ITGA9: variants seen among roughly 807,000 people sequenced by gnomAD.
The protein encoded by ITGA9 is integrin subunit alpha 9.
ITGA9 carries 56 observed loss-of-function variants against 127.8 expected under a neutral mutation model. The observed-to-expected ratio is 0.44, with a 90% confidence interval of 0.35 to 0.55. The LOEUF (loss-of-function observed/expected upper bound fraction) is 0.55, where lower values mean the gene tolerates loss of function less well. Ranked by LOEUF, ITGA9 falls within the 20% of genes least tolerant of loss-of-function variation. The pLI is 0.00. For synonymous variants in ITGA9, 508 were observed against 514.5 expected, an observed-to-expected ratio of 0.99 and a Z score of 0.17; for missense variants, 1,196 against 1,347.1, an observed-to-expected ratio of 0.89 and a Z score of 1.76.
At chr3:37,607,871 G>A (rs1169665290) in intron 15 of ITGA9, among the ~76,000 whole-genome samples, 2 of 152,170 alleles carry the variant, frequency 1.3e-5, no homozygotes, top group African/African-American at 2.4e-5. Context: ...CAAAAGGACC[G>A]AAGGTTCTTC....
intron 15 of ITGA9, among the ~76,000 whole-genome samples, chr3:37,551,077 G>A (rs907646990): frequency 6.6e-6 from 1 of 152,100 alleles, no homozygotes; most frequent in Non-Finnish European, 1.5e-5. Context: ...ATGAATAATA[G>A]GAAAGTAAAT....
At chr3:37,519,479 T>C in intron 11 of ITGA9, 125 bp downstream of exon 11, 1 of 756,520 alleles carries the variant, frequency 1.3e-6, no homozygotes, top group East Asian at 2.7e-5. Context: ...TTGGCCTTCC[T>C]ACCCTTTTGT....
Position 37,557,111 on chromosome 3 carries a change from C to T in ITGA9, c.1689+14526C>T, listed in dbSNP as rs571078489. On this transcript the variant is annotated intron_variant, in intron 15 of 27. Transcript: ENST00000264741. The stretch of plus-strand genomic sequence containing the variant: ...ATGTCAGAAATCTATTTCCCCTTCT[C>T]AGAGACCAGGAAGCTCTTGAGGTAC... 7.7e-4 allele frequency among the ~76,000 whole-genome samples: 118 copies of T among 152,300 alleles called. 1 individual carries two copies. The highest frequency in any genetic ancestry group is 8.8e-5 in the Non-Finnish European group (6 of 68,020).
chr3:37,462,226 A>C (rs1698322892), intron 1 of ITGA9, among the ~76,000 whole-genome samples: 1 of 151,682 alleles, frequency 6.6e-6, no homozygotes, highest in African/African-American at 2.4e-5. Flanking sequence ...CTGACCTTTC[A>C]CTCCCTAACA....
intron 18 of ITGA9, among the ~76,000 whole-genome samples, chr3:37,726,276 C>T (rs1452053404): frequency 6.6e-6 from 1 of 152,192 alleles, no homozygotes; most frequent in Non-Finnish European, 1.5e-5. Context: ...CTTAGAGGAA[C>T]ACAAATTGCC....
rs566346350 is a variant in ITGA9, at chr3:37,725,883, A to G, written c.2068-6829A>G. On this transcript the variant is annotated intron_variant, in intron 18 of 27. Transcript: ENST00000264741. ...CACATTGCTGGTATATATCTGAGCC[A>G]ATAATCAAAATTGGGACACTAATGC... Among the ~76,000 whole-genome samples, 6 of 152,366 alleles carry G rather than the reference A, an allele frequency of 3.9e-5. No homozygotes were observed. In the South Asian group the frequency reaches 1.2e-3, roughly 32 times the overall value.
chr3:37,473,241 T>C, intron 2 of ITGA9, 113 bp from the exon 3 acceptor site: 4 of 748,554 alleles, frequency 5.3e-6, no homozygotes, highest in Non-Finnish European at 9.6e-6. Flanking sequence ...GGAGTTGATT[T>C]ACATTTTGTG....
chr3:37,755,340 G>C (rs1033752556), intron 23 of ITGA9, among the ~76,000 whole-genome samples: 1 of 152,054 alleles, frequency 6.6e-6, no homozygotes, highest in East Asian at 1.9e-4. Flanking sequence ...CCAGAGGCAG[G>C]CTCAGTCAAT....
intron 15 of ITGA9, among the ~76,000 whole-genome samples, chr3:37,617,515 G>A (rs1194878206): frequency 6.6e-6 from 1 of 152,164 alleles, no homozygotes; most frequent in Non-Finnish European, 1.5e-5. Flanking sequence ...GGCCTGCCTT[G>A]CTAGACTGGG....
chr3:37,678,083 C>T (rs1575189387), intron 17 of ITGA9, among the ~76,000 whole-genome samples: 1 of 152,268 alleles, frequency 6.6e-6, no homozygotes, highest in East Asian at 1.9e-4. Context: ...TCCATGGACA[C>T]TTTGGGTTGT....
chr3:37,629,540 T>G lies in ITGA9; in HGVS notation c.1839+204T>G. ...GGTTACTTGTGACTACTGTGGGACT[T>G]AAACACTTTCAGACAATTCTCAGGC... On this transcript the variant is annotated intron_variant, in intron 16 of 27. Coordinates refer to ENST00000264741, the MANE Select transcript of ITGA9 (RefSeq NM_002207.3). The surrounding 1 kb of genome is among the most constrained non-coding windows in gnomAD (Gnocchi z 4.5). 4 of 658,838 alleles carry G rather than the reference T, an allele frequency of 6.1e-6. No homozygotes were observed. The highest frequency in any genetic ancestry group is 1.1e-5 in the Non-Finnish European group (4 of 371,460). 40.8% of individuals were successfully genotyped at this position (658,838 alleles called of 1,614,324 possible). A position where few individuals can be genotyped will look rare whatever the true frequency, so the allele number is the denominator to read the frequency against.
intron 15 of ITGA9, among the ~76,000 whole-genome samples, chr3:37,613,506 A>G (rs1263197960): frequency 6.6e-6 from 1 of 152,200 alleles, no homozygotes; most frequent in Non-Finnish European, 1.5e-5. Context: ...GTCAAATGGT[A>G]TTTCTAGTTC....
At chr3:37,572,867 A>C (rs1196447034) in intron 15 of ITGA9, among the ~76,000 whole-genome samples, 1 of 152,158 alleles carries the variant, frequency 6.6e-6, no homozygotes, top group Admixed American at 6.5e-5. Flanking sequence ...TCTCACTCTC[A>C]TTTTCTAATA....
At chr3:37,679,940 GT>G in intron 17 of ITGA9, among the ~76,000 whole-genome samples, 1 of 152,080 alleles carries the variant, frequency 6.6e-6, no homozygotes, top group Admixed American at 6.5e-5. Context: ...ACTTCGATAA[GT>G]GCCATGAAGG....
At chr3:37,655,749 T>C (rs1700471743) in intron 17 of ITGA9, among the ~76,000 whole-genome samples, 1 of 152,244 alleles carries the variant, frequency 6.6e-6, no homozygotes, top group Non-Finnish European at 1.5e-5. Context: ...TTTGGTGTTT[T>C]AGTCATGAAG....
intron 9 of ITGA9, 76 bp from the exon 10 acceptor site, chr3:37,517,428 T>C: frequency 1.7e-6 from 2 of 1,194,784 alleles, no homozygotes; most frequent in South Asian, 2.6e-5. Context: ...CAAACTCTGG[T>C]TTTTTATTGA....
intron 14 of ITGA9, among the ~76,000 whole-genome samples, chr3:37,536,654 A>G (rs763929945): frequency 2.0e-5 from 3 of 152,232 alleles, no homozygotes; most frequent in Non-Finnish European, 2.9e-5. Flanking sequence ...CACAGTGCCT[A>G]CTTGGTCATG....
At chr3:37,689,736 A>G (rs780201760) in intron 18 of ITGA9, among the ~76,000 whole-genome samples, 1 of 152,214 alleles carries the variant, frequency 6.6e-6, no homozygotes, top group Non-Finnish European at 1.5e-5. Context: ...GTACAGCTCT[A>G]TGGCCCTGGA....
At chr3:37,689,662 T>A (rs531531199) in intron 18 of ITGA9, among the ~76,000 whole-genome samples, 1 of 152,334 alleles carries the variant, frequency 6.6e-6, no homozygotes, top group Admixed American at 6.5e-5. Context: ...GGGTCACCAT[T>A]CACACTGGGT....
Sources: gnomAD v4.1 joint callset for allele counts (sites outside exome capture counted in the v4.1 genomes callset) on GRCh38, gnomAD v4.1.1 for gene constraint, Gnocchi (gnomAD v3.1) non-coding constraint, MANE v1.5 for transcripts, NCBI Gene and HGNC (gene_info 2026-07-23, HGNC 2026-07-21) for gene names.